The following TMEM117 variants were observed in gnomAD, a reference collection of about 807,000 sequenced individuals.
The protein encoded by TMEM117 is transmembrane protein 117.
A neutral mutation model predicts 52.4 loss-of-function variants in TMEM117; 27 were observed. The observed-to-expected ratio is 0.51, with a 90% confidence interval of 0.38 to 0.71. The LOEUF is 0.71. TMEM117 is among the 30% of genes least tolerant of loss of function. The probability of loss-of-function intolerance (pLI) is 0.00; values close to 1 mark genes in which losing one functional copy is unlikely to be tolerated. For synonymous variants in TMEM117, 215 were observed against 206.3 expected (o/e 1.04, Z -0.36); for missense variants, 556 against 630.5 (o/e 0.88, Z 1.26).
intron 3 of TMEM117, 109 bp downstream of exon 3, chr12:43,944,451 A>G: frequency 6.7e-6 from 7 of 1,042,178 alleles, no homozygotes; most frequent in Non-Finnish European, 9.6e-6. Context: ...CAAATATTCT[A>G]CCCTAAGAAG....
intron 3 of TMEM117, chr12:44,009,813 T>G (rs981822032): frequency 7.2e-6 from 2 of 276,340 alleles, no homozygotes; most frequent in Admixed American, 4.0e-5. Context: ...TGGATGATGC[T>G]TCTGCACCCA....
intron 3 of TMEM117, among the ~76,000 whole-genome samples, chr12:44,086,981 T>TATATAATTAATAATTATAAATTATATA (rs1409182906): frequency 1.4e-5 from 2 of 145,414 alleles, no homozygotes; most frequent in African/African-American, 5.2e-5. Context: ...AATTATATAA[T>TATATAATTAATAATTATAAATTATATA]ATATAATTAA....
At chr12:44,167,050 T>G (rs544764366) in intron 4 of TMEM117, among the ~76,000 whole-genome samples, 1 of 152,312 alleles carries the variant, frequency 6.6e-6, no homozygotes, top group Non-Finnish European at 1.5e-5. Context: ...ATTACATCTT[T>G]TTTCCACTTG....
chr12:44,292,689 A>T (rs551181190), intron 5 of TMEM117, among the ~76,000 whole-genome samples: 1 of 151,770 alleles, frequency 6.6e-6, no homozygotes, highest in East Asian at 1.9e-4. Context: ...ATACTTTCTG[A>T]TTTCCCTTTT....
intron 4 of TMEM117, among the ~76,000 whole-genome samples, chr12:44,164,773 C>T (rs1948942340): frequency 6.6e-6 from 1 of 152,134 alleles, no homozygotes; most frequent in Non-Finnish European, 1.5e-5. Flanking sequence ...AAACCATGAT[C>T]TGGATGGTAT....
chr12:44,032,353 C>G (rs1946646658), intron 3 of TMEM117, among the ~76,000 whole-genome samples: 2 of 152,198 alleles, frequency 1.3e-5, no homozygotes, highest in Non-Finnish European at 2.9e-5. Flanking sequence ...CTAGTCTCAT[C>G]AGTTGATTTT....
intron 6 of TMEM117, among the ~76,000 whole-genome samples, chr12:44,304,880 A>G (rs967452510): frequency 2.0e-5 from 3 of 152,204 alleles, no homozygotes; most frequent in Non-Finnish European, 4.4e-5. Context: ...AAACCCAAAC[A>G]TCCCCACCTG....
Position 44,151,253 on chromosome 12 carries a change from A to C in TMEM117, c.510+7629A>C, listed in dbSNP as rs1237888891. 2.0e-5 allele frequency among the ~76,000 whole-genome samples: 3 copies of C among 150,980 alleles called. No homozygotes were observed. The South Asian group carries it at 6.3e-4, about 32-fold the overall frequency. ...CCATTATACTTTATTTCTATTACTT[A>C]GTTTATACTTCCTCTAGTTGGGTAC... is the stretch of plus-strand genomic sequence containing the variant. On this transcript the variant is annotated intron_variant, in intron 4 of 7. Transcript: ENST00000266534.
At chr12:44,232,660 T>G (rs753268085) in intron 5 of TMEM117, among the ~76,000 whole-genome samples, 5 of 151,510 alleles carry the variant, frequency 3.3e-5, no homozygotes, top group Non-Finnish European at 7.4e-5. Context: ...ACTACAATTT[T>G]ATTGAGACTA....
intron 3 of TMEM117, among the ~76,000 whole-genome samples, chr12:44,040,836 G>A (rs997772620): frequency 1.3e-5 from 2 of 152,174 alleles, no homozygotes; most frequent in Non-Finnish European, 2.9e-5. Flanking sequence ...ATGAGTGGGT[G>A]TCAGATTTCA....
At chr12:43,887,300 T>C (rs887717087) in intron 2 of TMEM117, among the ~76,000 whole-genome samples, 12 of 152,354 alleles carry the variant, frequency 7.9e-5, no homozygotes, top group Non-Finnish European at 1.6e-4. Flanking sequence ...ATCTTATAAA[T>C]AGCTATTCCC....
intron 3 of TMEM117, among the ~76,000 whole-genome samples, chr12:43,963,596 A>G (rs1035149055): frequency 6.6e-6 from 1 of 152,220 alleles, no homozygotes; most frequent in African/African-American, 2.4e-5. Context: ...TTTCCCTGAC[A>G]TCAAACAGAG....
the TMEM117 span, chr12:43,805,516 G>A: frequency 1.1e-5 from 5 of 456,240 alleles, no homozygotes; most frequent in African/African-American, 6.0e-5. Flanking sequence ...TCTTGATGAG[G>A]TGAGTACCTG....
At chr12:44,284,202 C>T (rs1389989196) in intron 5 of TMEM117, among the ~76,000 whole-genome samples, 1 of 152,124 alleles carries the variant, frequency 6.6e-6, no homozygotes, top group Non-Finnish European at 1.5e-5. Flanking sequence ...GTCCCAGCTA[C>T]TCAGGAGGCT....
chr12:44,326,660 T>A (rs548412027), intron 6 of TMEM117, among the ~76,000 whole-genome samples: 1 of 152,244 alleles, frequency 6.6e-6, no homozygotes, highest in Admixed American at 6.5e-5. Context: ...TTTTCCTTTA[T>A]AAAACAGCTC....
At chr12:43,895,446 C>A (rs141865863) in intron 2 of TMEM117, among the ~76,000 whole-genome samples, 1 of 152,200 alleles carries the variant, frequency 6.6e-6, no homozygotes, top group African/African-American at 2.4e-5. Flanking sequence ...GTGAATAGTG[C>A]AGCAATGAAC....
At chr12:43,958,462 G>C (rs1180574174) in intron 3 of TMEM117, among the ~76,000 whole-genome samples, 2 of 152,154 alleles carry the variant, frequency 1.3e-5, no homozygotes, top group Non-Finnish European at 2.9e-5. Flanking sequence ...AAGTATTTCA[G>C]AGAGAGAAAT....
chr12:44,311,823 GTATATATGTATATATGTATATATA>G (rs1950987683), intron 6 of TMEM117, among the ~76,000 whole-genome samples: 2 of 85,384 alleles, frequency 2.3e-5, no homozygotes, highest in African/African-American at 6.7e-5. Flanking sequence ...GTATATATAT[GTATATATGTATATATGTATATATA>G]TGTATATATG....
intron 4 of TMEM117, among the ~76,000 whole-genome samples, chr12:44,175,644 G>T (rs1052618211): frequency 6.6e-6 from 1 of 152,152 alleles, no homozygotes; most frequent in South Asian, 2.1e-4. Flanking sequence ...GATGGCCAAG[G>T]TAAAGGCCCA....
Sources: allele counts gnomAD v4.1 joint callset (sites outside exome capture counted in the v4.1 genomes callset), GRCh38; gene constraint gnomAD v4.1.1; transcripts MANE v1.5; gene names NCBI Gene and HGNC (gene_info 2026-07-23, HGNC 2026-07-21).